Variants in UTRN observed in about 807,000 individuals in gnomAD.
UTRN encodes the protein utrophin.
In UTRN, 283 loss-of-function variants were observed where a neutral mutation model predicts 463.9. That is an observed-to-expected ratio of 0.61 (90% CI 0.55 to 0.67). The LOEUF (loss-of-function observed/expected upper bound fraction) is 0.67, where lower values mean the gene tolerates loss of function less well. UTRN is among the 30% of genes least tolerant of loss of function. The probability of loss-of-function intolerance (pLI) is 0.00; values close to 1 mark genes in which losing one functional copy is unlikely to be tolerated. For synonymous variants in UTRN, 1,442 were observed against 1,431.5 expected (o/e 1.01, Z -0.17); for missense variants, 3,922 against 4,084.3 (o/e 0.96, Z 1.08).
intron 51 of UTRN, among the ~76,000 whole-genome samples, chr6:144,675,437 A>T (rs571576575): frequency 9.2e-5 from 14 of 152,282 alleles, no homozygotes; most frequent in African/African-American, 3.1e-4. Flanking sequence ...AATGCCAGTT[A>T]TGCTAGCAGT....
intron 2 of UTRN, among the ~76,000 whole-genome samples, chr6:144,313,221 C>T (rs2114563345): frequency 6.6e-6 from 1 of 152,116 alleles, no homozygotes; most frequent in Non-Finnish European, 1.5e-5. Context: ...AGGTTGCATT[C>T]CTGATTTCTT....
intron 2 of UTRN, among the ~76,000 whole-genome samples, chr6:144,381,425 A>G (rs539231528): frequency 6.6e-6 from 1 of 152,162 alleles, no homozygotes; most frequent in Non-Finnish European, 1.5e-5. Context: ...TCCACCACTA[A>G]TGGGCATTTA....
intron 26 of UTRN, among the ~76,000 whole-genome samples, chr6:144,481,919 C>T (rs1791919709): frequency 6.6e-6 from 1 of 152,086 alleles, no homozygotes; most frequent in Non-Finnish European, 1.5e-5. Context: ...ATTAGGTAGG[C>T]ATAGTGGTGG....
intron 72 of UTRN, among the ~76,000 whole-genome samples, chr6:144,839,932 T>G (rs1439370727): frequency 6.6e-6 from 1 of 152,166 alleles, no homozygotes; most frequent in Non-Finnish European, 1.5e-5. Flanking sequence ...TTTGGTACAT[T>G]AACCAGAAAA....
At chr6:144,791,691 AC>A (rs139119343) in intron 62 of UTRN, among the ~76,000 whole-genome samples, 2,686 of 152,012 alleles carry the variant, frequency 0.018, 67 homozygotes, top group African/African-American at 0.058. Flanking sequence ...CTGCCCCTTT[AC>A]CCTGACACTG....
chr6:144,369,055 T>A (rs1324469662), intron 2 of UTRN, among the ~76,000 whole-genome samples: 1 of 152,268 alleles, frequency 6.6e-6, no homozygotes, highest in African/African-American at 2.4e-5. Flanking sequence ...AAAAAATTGA[T>A]GTGGAGGTTA....
intron 54 of UTRN, among the ~76,000 whole-genome samples, chr6:144,744,731 C>T (rs932746047): frequency 6.6e-6 from 1 of 151,922 alleles, no homozygotes; most frequent in African/African-American, 2.4e-5. Context: ...TGGTTTTCTC[C>T]TGCTGTTTCC....
chr6:144,722,276 CT>C (rs939809362), intron 53 of UTRN, among the ~76,000 whole-genome samples: 82 of 152,176 alleles, frequency 5.4e-4, no homozygotes, highest in African/African-American at 1.8e-3. Flanking sequence ...CTAGATTGCT[CT>C]TTTGCCAGAT....
Position 144,428,865 on chromosome 6 carries a change from G to C in UTRN, c.666G>C (p.Leu222Phe). 1 of 1,608,446 alleles carries C rather than the reference G, an allele frequency of 6.2e-7. No individual in the cohort carries two copies. The highest frequency in any genetic ancestry group is 8.5e-7 in the Non-Finnish European group (1 of 1,178,214). ...CCTTCAGCAAGGCTCAAACTTATTT[G>C]GGAATTGAAAAGCTGTTAGATCCTG... ...EHAFSKAQTYLGIEKLLDPED... is the reference protein window; with the variant it reads ...EHAFSKAQTYFGIEKLLDPED... Residue 222 changes from leucine (L) to phenylalanine (F), a missense_variant, in exon 8 of 75, where the codon TTG becomes TTC. This residue lies in a region of UTRN where 264 missense variants were observed against 327.9 expected (regional missense o/e 0.81). Coordinates refer to ENST00000367545, the MANE Select transcript of UTRN (RefSeq NM_007124.3).
chr6:144,487,672 G>A lies in UTRN; in HGVS notation c.3947G>A (p.Ser1316Asn). Reference protein sequence around the residue: ...IISEKLEAFNSRYEDLSHLAE... With the variant: ...IISEKLEAFNNRYEDLSHLAE... ...AGTGAGAAACTGGAGGCTTTCAACA[G>A]CCGATATGAAGATCTAAGTCACCTG... is the stretch of plus-strand genomic sequence containing the variant. Residue 1316 changes from serine (S) to asparagine (N), a missense_variant, in exon 29 of 75, where the codon AGC becomes AAC. Ser to Asn is a conservative substitution (Grantham distance 46). Around this residue, in one of 3 missense-constraint regions of UTRN, gnomAD observed 2,349 missense variants for 2,303.8 expected, o/e 1.02. Coordinates refer to ENST00000367545, the MANE Select transcript of UTRN (RefSeq NM_007124.3). 1 of 1,612,428 alleles carries A rather than the reference G, an allele frequency of 6.2e-7. No homozygotes were observed. The highest frequency in any genetic ancestry group is 1.1e-5 in the South Asian group (1 of 90,798).
At chr6:144,737,258 G>C (rs2128717802) in intron 54 of UTRN, among the ~76,000 whole-genome samples, 1 of 152,282 alleles carries the variant, frequency 6.6e-6, no homozygotes, top group African/African-American at 2.4e-5. Flanking sequence ...TGTAGACACT[G>C]GTGCGACTGT....
At chr6:144,697,874 C>A (rs1784185242) in intron 52 of UTRN, among the ~76,000 whole-genome samples, 1 of 152,260 alleles carries the variant, frequency 6.6e-6, no homozygotes. Context: ...TAAGTGTTTG[C>A]AACTCAATTT....
chr6:144,374,242 A>G (rs1300015232), intron 2 of UTRN, among the ~76,000 whole-genome samples: 1 of 152,166 alleles, frequency 6.6e-6, no homozygotes, highest in Non-Finnish European at 1.5e-5. Context: ...ACATTTGTTA[A>G]TAACTCCATA....
intron 53 of UTRN, among the ~76,000 whole-genome samples, chr6:144,721,672 C>T (rs926074430): frequency 1.3e-5 from 2 of 152,102 alleles, no homozygotes; most frequent in Non-Finnish European, 2.9e-5. Flanking sequence ...GTGTAAAATT[C>T]TTGGGATCAG....
intron 61 of UTRN, 152 bp from the exon 62 acceptor site, chr6:144,789,042 T>C (rs1776534454): frequency 1.6e-6 from 1 of 625,674 alleles, no homozygotes; most frequent in African/African-American, 1.9e-5. Context: ...ATTGGTTTAA[T>C]ATTAATTGTT....
chr6:144,470,157 C>A (rs13033592), intron 23 of UTRN, among the ~76,000 whole-genome samples: 126 of 152,362 alleles, frequency 8.3e-4, no homozygotes, highest in Middle Eastern at 3.4e-3. Context: ...ACACTTCCCC[C>A]CCTTCTATTC....
At chr6:144,321,635 A>G (rs557414171) in intron 2 of UTRN, among the ~76,000 whole-genome samples, 1 of 149,390 alleles carries the variant, frequency 6.7e-6, no homozygotes, top group East Asian at 2.0e-4. Flanking sequence ...ATGCCCGGCT[A>G]ATTTTTGTAT....
chr6:144,405,650 A>G (rs1783327934), intron 3 of UTRN, among the ~76,000 whole-genome samples: 3 of 152,220 alleles, frequency 2.0e-5, no homozygotes, highest in African/African-American at 7.2e-5. Flanking sequence ...CTCTGTGCTG[A>G]GAAATCCAAA....
chr6:144,451,363 C>T lies in UTRN; in HGVS notation c.2073-7C>T. On this transcript the variant is annotated splice_region_variant and splice_polypyrimidine_tract_variant and intron_variant, in intron 17 of 74. Coordinates refer to ENST00000367545, the MANE Select transcript of UTRN (RefSeq NM_007124.3). Reference sequence around the variant, plus strand: ...TGACAAATGGTCACCTCTGAATCTTCAAACAGGTTTGATGCTATAAGTGCA... The same window carrying T: ...TGACAAATGGTCACCTCTGAATCTTTAAACAGGTTTGATGCTATAAGTGCA... 6.2e-7 allele frequency: 1 copy of T among 1,608,038 alleles called. No individual in the cohort carries two copies. The highest frequency in any genetic ancestry group is 8.5e-7 in the Non-Finnish European group (1 of 1,177,906).
Sources: gnomAD v4.1 joint callset for allele counts (sites outside exome capture counted in the v4.1 genomes callset) on GRCh38, gnomAD v4.1.1 for gene constraint, gnomAD v4.1.1 regional missense constraint, MANE v1.5 for transcripts, NCBI Gene and HGNC (gene_info 2026-07-23, HGNC 2026-07-21) for gene names.